The following GPC6 variants were observed in gnomAD, a reference collection of about 807,000 sequenced individuals.
GPC6 encodes the protein glypican 6.
Under a neutral mutation model 55.2 loss-of-function variants are expected in GPC6, and 14 were observed. The ratio of observed to expected loss-of-function variants is 0.25; its 90% CI spans 0.17 to 0.40. The LOEUF (loss-of-function observed/expected upper bound fraction) is 0.40, where lower values mean the gene tolerates loss of function less well. GPC6 is among the 10% of genes least tolerant of loss of function. The probability of loss-of-function intolerance (pLI) is 1.00; values close to 1 mark genes in which losing one functional copy is unlikely to be tolerated. For missense variants in GPC6, 641 were observed against 708.5 expected (o/e 0.90, Z 1.08); for synonymous variants, 278 against 259.6 (o/e 1.07, Z -0.68).
At chr13:93,816,740 A>C (rs1477007128) in intron 2 of GPC6, among the ~76,000 whole-genome samples, 5 of 152,246 alleles carry the variant, frequency 3.3e-5, no homozygotes, top group African/African-American at 1.2e-4. Flanking sequence ...AAAAAAACAC[A>C]AACTATATTC....
chr13:93,872,725 T>C (rs1889166385), intron 3 of GPC6, among the ~76,000 whole-genome samples: 1 of 151,930 alleles, frequency 6.6e-6, no homozygotes, highest in African/African-American at 2.4e-5. Flanking sequence ...TTTTTTCACC[T>C]CTGCAAAATC....
intron 3 of GPC6, among the ~76,000 whole-genome samples, chr13:94,018,897 C>A (rs1882592696): frequency 6.6e-6 from 1 of 152,184 alleles, no homozygotes; most frequent in Non-Finnish European, 1.5e-5. Flanking sequence ...CTAACTAATG[C>A]TTGATGATCC....
chr13:93,799,956 TG>T (rs920547300), intron 2 of GPC6, among the ~76,000 whole-genome samples: 1 of 152,198 alleles, frequency 6.6e-6, no homozygotes, highest in Non-Finnish European at 1.5e-5. Context: ...GACAGTAGCC[TG>T]GGTTGTGGGT....
chr13:93,417,300 G>T (rs1366884779), intron 1 of GPC6, among the ~76,000 whole-genome samples: 1 of 152,032 alleles, frequency 6.6e-6, no homozygotes, highest in Non-Finnish European at 1.5e-5. Flanking sequence ...TACTCATAAA[G>T]AAGGGATTTT....
chr13:94,216,102 C>T (rs990202035), intron 4 of GPC6, among the ~76,000 whole-genome samples: 3 of 152,226 alleles, frequency 2.0e-5, no homozygotes, highest in South Asian at 2.1e-4. Context: ...TTGTTAAAGT[C>T]ACTGTTTTAT....
chr13:94,145,432 T>C (rs1422159217), intron 4 of GPC6, among the ~76,000 whole-genome samples: 1 of 152,176 alleles, frequency 6.6e-6, no homozygotes, highest in African/African-American at 2.4e-5. Flanking sequence ...AGTAGGAATG[T>C]CAGCAGTCAT....
intron 2 of GPC6, among the ~76,000 whole-genome samples, chr13:93,583,700 A>G (rs1038509139): frequency 1.3e-5 from 2 of 152,154 alleles, no homozygotes; most frequent in African/African-American, 4.8e-5. Context: ...ACATGCGTGA[A>G]CCACCACGCC....
intron 1 of GPC6, among the ~76,000 whole-genome samples, chr13:93,451,962 T>TG (rs1297756334): frequency 6.6e-6 from 1 of 152,200 alleles, no homozygotes; most frequent in Non-Finnish European, 1.5e-5. Context: ...CCATCTTAGC[T>TG]GGGTTTATCT....
chr13:93,873,082 AC>A (rs1402722317), intron 3 of GPC6, among the ~76,000 whole-genome samples: 5 of 150,938 alleles, frequency 3.3e-5, no homozygotes, highest in Non-Finnish European at 7.4e-5. Context: ...CCCTTTAACT[AC>A]TTTTTTTTTT....
intron 2 of GPC6, among the ~76,000 whole-genome samples, chr13:93,722,343 C>T (rs1473032535): frequency 6.6e-6 from 1 of 151,688 alleles, no homozygotes; most frequent in Admixed American, 6.6e-5. Flanking sequence ...TTACCAGAAA[C>T]AGCATCAAAC....
At chr13:93,906,349 A>G (rs12430378) in intron 3 of GPC6, among the ~76,000 whole-genome samples, 5,556 of 152,140 alleles carry the variant, frequency 0.037, 280 homozygotes, top group East Asian at 0.17. Flanking sequence ...CAGAGAAGGA[A>G]CCCCAAAAGG....
chr13:93,936,234 A>G (rs1252716741), intron 3 of GPC6, among the ~76,000 whole-genome samples: 1 of 152,192 alleles, frequency 6.6e-6, no homozygotes, highest in Non-Finnish European at 1.5e-5. Flanking sequence ...CATTTTATTC[A>G]GAAGATAAAA....
At chr13:94,180,817 T>C (rs1248374543) in intron 4 of GPC6, among the ~76,000 whole-genome samples, 1 of 152,174 alleles carries the variant, frequency 6.6e-6, no homozygotes, top group Non-Finnish European at 1.5e-5. Context: ...TAAATGTATG[T>C]ATCATCTAAA....
At chr13:94,338,897 G>A (rs1387224464) in intron 6 of GPC6, among the ~76,000 whole-genome samples, 1 of 152,104 alleles carries the variant, frequency 6.6e-6, no homozygotes, top group African/African-American at 2.4e-5. Flanking sequence ...GAGCTGGTCA[G>A]CTTTCTATCT....
intron 1 of GPC6, among the ~76,000 whole-genome samples, chr13:93,428,173 A>G (rs538704942): frequency 1.8e-5 from 1 of 57,046 alleles, no homozygotes; most frequent in Non-Finnish European, 3.9e-5. Context: ...TATTTTGATA[A>G]AAAATGAATT....
At chr13:93,679,559 T>C (rs766854369) in intron 2 of GPC6, among the ~76,000 whole-genome samples, 1 of 152,164 alleles carries the variant, frequency 6.6e-6, no homozygotes, top group South Asian at 2.1e-4. Context: ...CATCTTGTTA[T>C]CTAGTCATAT....
In GPC6 at chr13:93,418,037, AC is replaced by A. The variant is rs551168049; in HGVS notation, c.161-127225del. On this transcript the variant is annotated intron_variant, in intron 1 of 8. Transcript: ENST00000377047. ...ACATGATTCAACATTTGTCAATTGT[AC>A]TTGGAAATACAAACAATTCAAAATA... Among the ~76,000 whole-genome samples the A allele has an allele frequency of 3.5e-4, 53 of 152,164 alleles. No homozygotes were observed. The East Asian group carries it at 4.4e-3, about 13-fold the overall frequency.
intron 7 of GPC6, among the ~76,000 whole-genome samples, chr13:94,392,728 T>G (rs1347868343): frequency 1.3e-4 from 2 of 15,786 alleles, no homozygotes; most frequent in African/African-American, 4.0e-4. Context: ...ACCCTCTTGG[T>G]CAGGCTGGTC....
At chr13:93,354,600 G>T (rs1178500232) in intron 1 of GPC6, among the ~76,000 whole-genome samples, 1 of 149,492 alleles carries the variant, frequency 6.7e-6, no homozygotes, top group Non-Finnish European at 1.5e-5. Context: ...TCCTGACCTC[G>T]TGATCCGCCC....
Sources: allele counts gnomAD v4.1 joint callset (sites outside exome capture counted in the v4.1 genomes callset), GRCh38; gene constraint gnomAD v4.1.1; transcripts MANE v1.5; gene names NCBI Gene and HGNC (gene_info 2026-07-23, HGNC 2026-07-21).